The following EPHA6 variants were observed in gnomAD, a reference collection of about 807,000 sequenced individuals.
EPHA6 encodes the protein ephrin type-A receptor 6.
EPHA6 carries 50 observed loss-of-function variants against 112.0 expected under a neutral mutation model. The ratio of observed to expected loss-of-function variants is 0.45; its 90% CI spans 0.36 to 0.56. The LOEUF is 0.56. Ranked by LOEUF, EPHA6 falls within the 20% of genes least tolerant of loss-of-function variation. EPHA6 has a pLI of 0.00. For synonymous variants in EPHA6, 529 were observed against 490.7 expected (o/e 1.08, Z -1.03); for missense variants, 1,280 against 1,417.4 (o/e 0.90, Z 1.56).
At chr3:97,555,965 C>T (rs1418596838) in intron 11 of EPHA6, among the ~76,000 whole-genome samples, 1 of 151,830 alleles carries the variant, frequency 6.6e-6, no homozygotes, top group African/African-American at 2.4e-5. Context: ...TGCAAACCAC[C>T]CACGCCAAAG....
chr3:96,875,114 A>G (rs1488531990), intron 2 of EPHA6, among the ~76,000 whole-genome samples: 1 of 152,080 alleles, frequency 6.6e-6, no homozygotes, highest in Non-Finnish European at 1.5e-5. Context: ...GTAAATACAG[A>G]TTGTACTTAT....
chr3:97,340,968 T>A (rs1438373096), intron 5 of EPHA6, among the ~76,000 whole-genome samples: 1 of 152,204 alleles, frequency 6.6e-6, no homozygotes, highest in Non-Finnish European at 1.5e-5. Flanking sequence ...GATGCCTTAC[T>A]CACATTCCTT....
chr3:96,891,840 C>T (rs74775071), intron 2 of EPHA6, among the ~76,000 whole-genome samples: 3,478 of 152,206 alleles, frequency 0.023, 139 homozygotes, highest in African/African-American at 0.079. Flanking sequence ...TGTTCTGTTC[C>T]CTGGGAGAAA....
At chr3:97,176,346 G>T (rs115286365) in intron 3 of EPHA6, among the ~76,000 whole-genome samples, 1,906 of 151,860 alleles carry the variant, frequency 0.013, 32 homozygotes, top group African/African-American at 0.044. Context: ...AGAGATATTG[G>T]CCTGTAGTTT....
At chr3:96,993,508 C>A (rs1382177205) in intron 3 of EPHA6, among the ~76,000 whole-genome samples, 2 of 152,110 alleles carry the variant, frequency 1.3e-5, no homozygotes, top group Non-Finnish European at 2.9e-5. Flanking sequence ...GCTGGGATTA[C>A]AGGCATGAGC....
intron 7 of EPHA6, among the ~76,000 whole-genome samples, chr3:97,456,217 T>C (rs2090679352): frequency 6.6e-6 from 1 of 152,148 alleles, no homozygotes; most frequent in Admixed American, 6.5e-5. Context: ...CTGGAAGTTT[T>C]TACAAGATCA....
At chr3:97,229,297 C>T (rs2078452645) in intron 4 of EPHA6, among the ~76,000 whole-genome samples, 1 of 152,052 alleles carries the variant, frequency 6.6e-6, no homozygotes. Flanking sequence ...TTGCATAAGC[C>T]AATGTCGAGA....
At chr3:96,835,562 G>A (rs923393431) in intron 1 of EPHA6, among the ~76,000 whole-genome samples, 3 of 151,938 alleles carry the variant, frequency 2.0e-5, no homozygotes, top group Non-Finnish European at 4.4e-5. Flanking sequence ...GGGGTAATGA[G>A]GCAAATAATG....
intron 4 of EPHA6, 32 bp downstream of exon 4, chr3:97,226,451 T>G (rs752894799): frequency 2.5e-6 from 4 of 1,574,186 alleles, no homozygotes; most frequent in East Asian, 2.3e-5. Flanking sequence ...TTGGAAATTC[T>G]GTTTCCAACC....
At chr3:97,495,259 A>G (rs1445377762) in intron 10 of EPHA6, among the ~76,000 whole-genome samples, 1 of 151,144 alleles carries the variant, frequency 6.6e-6, no homozygotes. Context: ...ATATATATGT[A>G]AATCATATAT....
intron 2 of EPHA6, among the ~76,000 whole-genome samples, chr3:96,923,369 T>A (rs2039872828): frequency 6.6e-6 from 1 of 152,260 alleles, no homozygotes; most frequent in African/African-American, 2.4e-5. Flanking sequence ...TGGTTTTGAT[T>A]TGCATTTCCC....
intron 5 of EPHA6, among the ~76,000 whole-genome samples, chr3:97,276,443 A>G (rs1249347249): frequency 1.3e-5 from 2 of 152,070 alleles, no homozygotes; most frequent in African/African-American, 4.8e-5. Flanking sequence ...CAGTACTTGT[A>G]GCAAGCTCCT....
chr3:96,966,425 C>G (rs957361305), intron 2 of EPHA6, among the ~76,000 whole-genome samples: 1 of 151,938 alleles, frequency 6.6e-6, no homozygotes, highest in African/African-American at 2.4e-5. Flanking sequence ...AGCCAAGAGA[C>G]GATGACTTAA....
intron 2 of EPHA6, among the ~76,000 whole-genome samples, chr3:96,982,600 T>G (rs2107825434): frequency 6.6e-6 from 1 of 152,298 alleles, no homozygotes; most frequent in South Asian, 2.1e-4. Context: ...GTTCAATTCC[T>G]GGATATCCTT....
rs536945417 is a variant in EPHA6 at position 97,690,120 on chromosome 3, T to C, written c.2785-30141T>C. 4.6e-5 allele frequency among the ~76,000 whole-genome samples: 7 copies of C among 152,254 alleles called. No individual in the cohort carries two copies. In the East Asian group the frequency reaches 5.8e-4, roughly 13 times the overall value. ...ATTTGCAAATTTTTGTGTGGACACA[T>C]GTTTTTATTTATCTTGGGTATATCC... On this transcript the variant is annotated intron_variant, in intron 14 of 17. Transcript: ENST00000389672.
At chr3:96,851,502 T>C (rs980187850) in intron 1 of EPHA6, among the ~76,000 whole-genome samples, 1 of 152,110 alleles carries the variant, frequency 6.6e-6, no homozygotes, top group Admixed American at 6.6e-5. Context: ...TCTAGAAAAA[T>C]TGGTGAACCA....
chr3:96,866,853 G>T lies in EPHA6; in HGVS notation c.414G>T (p.Leu138=). Residue 138 remains leucine (L), a synonymous_variant, in exon 2 of 18, where the codon CTG becomes CTT. Coordinates refer to ENST00000389672, the MANE Select transcript of EPHA6 (RefSeq NM_001080448.3). ...TGTTGCTTGATACAACAACTGTACT[G>T]GGAGAGCTAGGATGGAAAACATATC... ...QVVLLDTTTV[L]GELGWKTYPL... The T allele has an allele frequency of 6.7e-7, 1 of 1,491,148 alleles. No individual in the cohort carries two copies. Among genetic ancestry groups the T allele is most frequent in the Non-Finnish European group, 9.0e-7 (1 of 1,116,776 alleles). The allele number at this position is 1,491,148 out of a possible 1,614,324, so 92.4% of individuals were successfully genotyped here.
At chr3:97,702,728 G>C (rs1051770875) in intron 14 of EPHA6, among the ~76,000 whole-genome samples, 4 of 151,912 alleles carry the variant, frequency 2.6e-5, no homozygotes, top group African/African-American at 9.7e-5. Context: ...GGTCATTCTG[G>C]CTTCAACCCA....
chr3:97,688,091 A>T (rs77718566), intron 14 of EPHA6, among the ~76,000 whole-genome samples: 12,763 of 152,238 alleles, frequency 0.084, 843 homozygotes, highest in African/African-American at 0.19. Context: ...AAAGGTAGAT[A>T]GTATTATTGT....
Sources: allele counts gnomAD v4.1 joint callset (sites outside exome capture counted in the v4.1 genomes callset), GRCh38; gene constraint gnomAD v4.1.1; transcripts MANE v1.5; gene names NCBI Gene and HGNC (gene_info 2026-07-23, HGNC 2026-07-21).